PPM1H: variants seen among roughly 807,000 people sequenced by gnomAD.
PPM1H encodes protein phosphatase, Mg2+/Mn2+ dependent 1H.
Under a neutral mutation model 54.9 loss-of-function variants are expected in PPM1H, and 27 were observed. The observed-to-expected ratio is 0.49, with a 90% CI of 0.36 to 0.68. The LOEUF is 0.68. PPM1H is among the 30% of genes least tolerant of loss of function. PPM1H has a pLI of 0.00. For missense variants in PPM1H, 596 were observed against 667.8 expected, an observed-to-expected ratio of 0.89 and a Z score of 1.19; for synonymous variants, 305 against 270.8, an observed-to-expected ratio of 1.13 and a Z score of -1.24.
At chr12:62,932,868 C>T (rs1325257789) in intron 1 of PPM1H, among the ~76,000 whole-genome samples, 4 of 152,066 alleles carry the variant, frequency 2.6e-5, no homozygotes, top group Non-Finnish European at 5.9e-5. Flanking sequence ...CTCCTGACCT[C>T]ACGTGATCCG....
chr12:62,835,104 T>C (rs924385175), intron 1 of PPM1H, among the ~76,000 whole-genome samples: 14 of 152,198 alleles, frequency 9.2e-5, no homozygotes, highest in African/African-American at 2.9e-4. Flanking sequence ...GTTTCGTTTT[T>C]TGAACCAAAA....
chr12:62,784,185 A>G (rs757848445), intron 4 of PPM1H, among the ~76,000 whole-genome samples: 2 of 152,190 alleles, frequency 1.3e-5, no homozygotes, highest in African/African-American at 2.4e-5. Context: ...TTAGCTCGGC[A>G]GAGTAGAAGG....
At position 62,645,248 on chromosome 12, in the gene PPM1H, T is replaced by G. The variant is rs2075778645; in HGVS notation, c.*3241A>C. 2 of 152,234 alleles carry G rather than the reference T, an allele frequency of 1.3e-5. No homozygotes were observed. The highest frequency in any genetic ancestry group is 2.9e-5 in the Non-Finnish European group (2 of 68,046). 9.4% of individuals were successfully genotyped at this position (152,234 alleles called of 1,614,324 possible). ...CACCATCTCCCTGTGGCTGTCATTC[T>G]TCCCTGGAAGTGAATGAATACTGAG... On this transcript the variant is annotated 3_prime_UTR_variant, in exon 10 of 10. Coordinates refer to ENST00000228705, the MANE Select transcript of PPM1H (RefSeq NM_020700.2).
chr12:62,814,436 T>G (rs184406962), intron 2 of PPM1H, among the ~76,000 whole-genome samples: 6 of 152,160 alleles, frequency 3.9e-5, no homozygotes, highest in Admixed American at 3.9e-4. Context: ...AGGCTGGGTC[T>G]CAAACTCCTG....
intron 4 of PPM1H, among the ~76,000 whole-genome samples, chr12:62,744,449 C>A (rs1448474689): frequency 6.2e-5 from 8 of 129,422 alleles, no homozygotes; most frequent in Admixed American, 1.8e-4. Context: ...CCAGCCTGGG[C>A]AACAGAGTGA....
chr12:62,892,391 C>T (rs571906126), intron 1 of PPM1H, among the ~76,000 whole-genome samples: 73 of 152,258 alleles, frequency 4.8e-4, no homozygotes, highest in African/African-American at 1.5e-3. Context: ...TCACCTAGGA[C>T]GCAATACTTT....
chr12:62,775,351 G>A lies in PPM1H; in HGVS notation c.869+12875C>T, dbSNP rs111818531. ...CCCCAGGTGCCACCTTGGGAAAAGG[G>A]AGCTGGTGTGAACCTCAGCCTTGTT... On this transcript the variant is annotated intron_variant, in intron 4 of 9. Transcript: ENST00000228705. Among the ~76,000 whole-genome samples the A allele has an allele frequency of 3.3e-5, 5 of 152,306 alleles. 1 individual carries two copies. The highest frequency in any genetic ancestry group is 9.6e-5 in the African/African-American group (4 of 41,576).
intron 1 of PPM1H, among the ~76,000 whole-genome samples, chr12:62,917,118 T>C (rs773615099): frequency 1.4e-4 from 21 of 152,260 alleles, no homozygotes; most frequent in Non-Finnish European, 3.1e-4. Flanking sequence ...AGCCTCTGCG[T>C]CCTTTACTCA....
chr12:62,930,714 G>C (rs1169786668), intron 1 of PPM1H, among the ~76,000 whole-genome samples: 1 of 152,240 alleles, frequency 6.6e-6, no homozygotes, highest in East Asian at 1.9e-4. Flanking sequence ...GGGTCAGACT[G>C]TTGCTCCCCA....
intron 3 of PPM1H, among the ~76,000 whole-genome samples, chr12:62,798,955 TC>T (rs1259762698): frequency 3.3e-5 from 5 of 152,274 alleles, no homozygotes; most frequent in African/African-American, 1.2e-4. Flanking sequence ...GTATTTCCCC[TC>T]TCAAGGCTCC....
chr12:62,743,198 C>G (rs1395197281), intron 4 of PPM1H, among the ~76,000 whole-genome samples: 1 of 151,894 alleles, frequency 6.6e-6, no homozygotes, highest in Admixed American at 6.6e-5. Context: ...TAAAAAAATA[C>G]AAAAATTAGC....
intron 8 of PPM1H, among the ~76,000 whole-genome samples, chr12:62,673,133 G>C (rs1394410911): frequency 6.6e-6 from 1 of 152,164 alleles, no homozygotes; most frequent in African/African-American, 2.4e-5. Context: ...CATTCAGTGT[G>C]GGGGAGCAGG....
chr12:62,739,194 T>C (rs1470691628), intron 4 of PPM1H, among the ~76,000 whole-genome samples: 2 of 152,172 alleles, frequency 1.3e-5, no homozygotes, highest in African/African-American at 4.8e-5. Context: ...GTCTGAAATA[T>C]GACAAGTTAA....
At chr12:62,863,902 T>C (rs1869689469) in intron 1 of PPM1H, among the ~76,000 whole-genome samples, 1 of 152,226 alleles carries the variant, frequency 6.6e-6, no homozygotes, top group South Asian at 2.1e-4. Context: ...AGGCTCTTGA[T>C]AAAAACTGGC....
intron 2 of PPM1H, among the ~76,000 whole-genome samples, chr12:62,802,755 T>C (rs2076779187): frequency 6.6e-6 from 1 of 152,072 alleles, no homozygotes; most frequent in South Asian, 2.1e-4. Flanking sequence ...AATTTTTTTT[T>C]GTATTTTTAG....
chr12:62,705,471 G>A (rs557429444), intron 6 of PPM1H, among the ~76,000 whole-genome samples: 35 of 152,298 alleles, frequency 2.3e-4, no homozygotes, highest in East Asian at 9.6e-4. Flanking sequence ...CTTTTGATTC[G>A]TAGGCTGAGT....
intron 1 of PPM1H, among the ~76,000 whole-genome samples, chr12:62,887,155 G>A (rs1157456171): frequency 2.0e-5 from 3 of 152,242 alleles, no homozygotes; most frequent in African/African-American, 7.2e-5. Context: ...CAGAGGGACA[G>A]TAGACATTTC....
intron 8 of PPM1H, among the ~76,000 whole-genome samples, chr12:62,685,782 C>T (rs991337301): frequency 2.6e-5 from 4 of 151,846 alleles, no homozygotes; most frequent in Non-Finnish European, 4.4e-5. Flanking sequence ...AAGTTCTCAC[C>T]ACAAAAAATG....
At chr12:62,758,673 A>T (rs1334631926) in intron 4 of PPM1H, among the ~76,000 whole-genome samples, 2 of 152,166 alleles carry the variant, frequency 1.3e-5, no homozygotes, top group Non-Finnish European at 2.9e-5. Flanking sequence ...TGTGGAGGAA[A>T]AAAAAGGAGC....
Sources: allele counts gnomAD v4.1 joint callset (sites outside exome capture counted in the v4.1 genomes callset), GRCh38; gene constraint gnomAD v4.1.1; transcripts MANE v1.5; gene names NCBI Gene and HGNC (gene_info 2026-07-23, HGNC 2026-07-21).